Variants in CDH13 observed in about 807,000 individuals in gnomAD.
CDH13 encodes the protein cadherin-13.
CDH13 carries 24 observed loss-of-function variants against 63.8 expected under a neutral mutation model. The observed-to-expected ratio is 0.38, with a 90% CI of 0.27 to 0.53. The LOEUF (loss-of-function observed/expected upper bound fraction) is 0.53, where lower values mean the gene tolerates loss of function less well. Ranked by LOEUF, CDH13 falls within the 20% of genes least tolerant of loss-of-function variation. The probability of loss-of-function intolerance (pLI) is 0.85; values close to 1 mark genes in which losing one functional copy is unlikely to be tolerated. For synonymous variants in CDH13, 503 were observed against 355.3 expected (o/e 1.42, Z -4.67); for missense variants, 1,049 against 903.1 (o/e 1.16, Z -2.07).
Position 83,217,512 on chromosome 16 carries a change from C to G in CDH13, c.636+15C>G. On this transcript the variant is annotated intron_variant, in intron 5 of 13. Coordinates refer to ENST00000567109, the MANE Select transcript of CDH13 (RefSeq NM_001257.5). ...CTGTTTATCAAGTGAGTACCCCTCT[C>G]CCATGCCCACCCTGTGCGCAGAAAT... 1 of 1,607,240 alleles carries G rather than the reference C, an allele frequency of 6.2e-7. No individual in the cohort carries two copies. Among genetic ancestry groups the G allele is most frequent in the Non-Finnish European group, 8.5e-7 (1 of 1,175,192 alleles).
chr16:83,057,470 A>G (rs2031066601), intron 3 of CDH13, among the ~76,000 whole-genome samples: 1 of 152,216 alleles, frequency 6.6e-6, no homozygotes, highest in South Asian at 2.1e-4. Context: ...TTAATATATG[A>G]ATGATACATG....
At chr16:82,668,293 G>A (rs1262014796) in intron 1 of CDH13, among the ~76,000 whole-genome samples, 2 of 152,108 alleles carry the variant, frequency 1.3e-5, no homozygotes, top group Non-Finnish European at 2.9e-5. Context: ...AGGCAGAGTT[G>A]GCAAGAACTG....
chr16:83,076,224 G>C (rs2032826113), intron 3 of CDH13, among the ~76,000 whole-genome samples: 1 of 152,176 alleles, frequency 6.6e-6, no homozygotes, highest in African/African-American at 2.4e-5. Flanking sequence ...AGCATTGTTT[G>C]ATAATATTCC....
intron 3 of CDH13, among the ~76,000 whole-genome samples, chr16:83,083,037 A>G (rs9921165): frequency 0.025 from 3,801 of 152,320 alleles, 145 homozygotes; most frequent in African/African-American, 0.085. Context: ...ATTTAACTTG[A>G]TCATGAATCA....
At chr16:83,144,251 T>C (rs1028637416) in intron 4 of CDH13, among the ~76,000 whole-genome samples, 4 of 152,266 alleles carry the variant, frequency 2.6e-5, no homozygotes, top group African/African-American at 9.6e-5. Context: ...ATTTGGATAG[T>C]CAAGGCACCT....
At chr16:83,739,492 T>A (rs1330921033) in intron 10 of CDH13, among the ~76,000 whole-genome samples, 1 of 152,168 alleles carries the variant, frequency 6.6e-6, no homozygotes, top group Non-Finnish European at 1.5e-5. Flanking sequence ...AATATGACAA[T>A]ATGCTGTGTT....
intron 7 of CDH13, among the ~76,000 whole-genome samples, chr16:83,568,126 A>G (rs540605494): frequency 6.6e-6 from 1 of 152,254 alleles, no homozygotes; most frequent in African/African-American, 2.4e-5. Flanking sequence ...GCTCATTTCA[A>G]AGGCATTCAT....
intron 1 of CDH13, among the ~76,000 whole-genome samples, chr16:82,634,486 G>A (rs534155114): frequency 2.6e-5 from 4 of 152,182 alleles, no homozygotes; most frequent in Admixed American, 6.5e-5. Context: ...GCCATCAGCC[G>A]TCGGGCATCT....
chr16:83,582,957 G>A (rs984886409), intron 7 of CDH13, among the ~76,000 whole-genome samples: 2 of 152,110 alleles, frequency 1.3e-5, no homozygotes, highest in African/African-American at 4.8e-5. Context: ...ACCAACTAGA[G>A]GGCAAACAAC....
At chr16:82,652,939 ATTCATTCATTGATTCG>A in intron 1 of CDH13, among the ~76,000 whole-genome samples, 1 of 152,280 alleles carries the variant, frequency 6.6e-6, no homozygotes, top group African/African-American at 2.4e-5. Flanking sequence ...TCATTAGCTC[ATTCATTCATTGATTCG>A]TTCATTCATG....
intron 1 of CDH13, among the ~76,000 whole-genome samples, chr16:82,726,619 C>A (rs555984039): frequency 5.3e-5 from 8 of 152,272 alleles, no homozygotes; most frequent in South Asian, 4.1e-4. Flanking sequence ...ACTTTATCGC[C>A]TTGGGCACAC....
chr16:83,383,000 C>G (rs1402070897), intron 6 of CDH13: 1 of 152,212 alleles, frequency 6.6e-6, no homozygotes, highest in Non-Finnish European at 1.5e-5. Flanking sequence ...CTTGAAAGAG[C>G]TAAAGTGCAG....
intron 2 of CDH13, among the ~76,000 whole-genome samples, chr16:82,981,242 T>C (rs1337132122): frequency 6.6e-6 from 1 of 152,202 alleles, no homozygotes; most frequent in East Asian, 1.9e-4. Context: ...AAATTAATTA[T>C]CAGCCTGTGT....
intron 1 of CDH13, among the ~76,000 whole-genome samples, chr16:82,686,724 G>T (rs1286308895): frequency 1.3e-5 from 2 of 152,192 alleles, no homozygotes; most frequent in East Asian, 3.9e-4. Flanking sequence ...AACCCAGAAT[G>T]TTGCTTGATG....
chr16:83,306,264 T>C (rs927017878), intron 5 of CDH13, among the ~76,000 whole-genome samples: 1 of 152,228 alleles, frequency 6.6e-6, no homozygotes, highest in East Asian at 1.9e-4. Context: ...TGGTTTGTTC[T>C]GGTTCCCACC....
chr16:82,749,289 C>G (rs1013542071), intron 1 of CDH13, among the ~76,000 whole-genome samples: 1 of 152,082 alleles, frequency 6.6e-6, no homozygotes, highest in African/African-American at 2.4e-5. Flanking sequence ...ATTACATGCA[C>G]CAATATATTA....
chr16:83,527,864 T>C (rs1020915137), intron 7 of CDH13, among the ~76,000 whole-genome samples: 5 of 152,252 alleles, frequency 3.3e-5, no homozygotes, highest in African/African-American at 9.6e-5. Context: ...GAAAGAAGTC[T>C]ATATTTTCTC....
intron 1 of CDH13, among the ~76,000 whole-genome samples, chr16:82,793,435 T>A (rs1461092415): frequency 7.0e-6 from 1 of 143,332 alleles, no homozygotes; most frequent in East Asian, 2.1e-4. Flanking sequence ...TTTAATTGAA[T>A]GTTCTTTATA....
chr16:83,616,721 C>G (rs1400205111), intron 8 of CDH13, among the ~76,000 whole-genome samples: 1 of 152,162 alleles, frequency 6.6e-6, no homozygotes, highest in Non-Finnish European at 1.5e-5. Context: ...TAAATGGAGC[C>G]TGTTGGAAGA....
Sources: allele counts gnomAD v4.1 joint callset (sites outside exome capture counted in the v4.1 genomes callset), GRCh38; gene constraint gnomAD v4.1.1; transcripts MANE v1.5; gene names NCBI Gene and HGNC (gene_info 2026-07-23, HGNC 2026-07-21).